ERVV-2: variants seen among roughly 807,000 people sequenced by gnomAD.
ERVV-2 encodes the protein endogenous retrovirus group V member 2 Env polyprotein.
For missense variants in ERVV-2, 291 were observed against 495.1 expected (o/e 0.59, Z 3.91); for synonymous variants, 105 against 184.6 (o/e 0.57, Z 3.49).
At chr19:53,047,415 A>G (rs186699923) in intron 1 of ERVV-2, among the ~76,000 whole-genome samples, 84 of 152,322 alleles carry the variant, frequency 5.5e-4, no homozygotes, top group African/African-American at 2.0e-3. Context: ...GGCTTCCTGC[A>G]GAACCAAGGT....
rs996575578 is a variant in ERVV-2 at position 53,051,526 on chromosome 19, A to C, written c.*667A>C. ...AAACATCTGCCCAGCCATTAGTAGG[A>C]GTAGACACGTCCTTTTGATCAGCCC... On this transcript the variant is annotated 3_prime_UTR_variant, in exon 2 of 2. Transcript: ENST00000601417. Among the ~76,000 whole-genome samples the C allele has an allele frequency of 6.6e-6, 1 of 152,178 alleles. No homozygotes were observed. The highest frequency in any genetic ancestry group is 6.5e-5 in the Admixed American group (1 of 15,276).
intron 1 of ERVV-2, among the ~76,000 whole-genome samples, chr19:53,046,313 C>T (rs527558023): frequency 8.5e-5 from 13 of 152,164 alleles, no homozygotes; most frequent in African/African-American, 2.4e-4. Context: ...GGTCCTTCTC[C>T]GCCTGCCTAC....
Position 53,050,616 on chromosome 19 carries a change from C to A in ERVV-2, c.1365C>A (p.Asn455Lys), listed in dbSNP as rs753373875. 41 of 1,217,046 alleles carry A rather than the reference C, an allele frequency of 3.4e-5. No homozygotes were observed. Among genetic ancestry groups the A allele is most frequent in the South Asian group, 3.1e-4 (24 of 77,790 alleles). The allele number at this position is 1,217,046 out of a possible 1,614,324, so 75.4% of individuals were successfully genotyped here. ...EAVKSALPSL[N>K]WFVPLLGPAT... ...TGAAGTCTGCCCTCCCCTCCCTCAA[C>A]TGGTTTGTCCCTTTACTGGGACCAG... The change falls in exon 2 of 2, where the codon AAC becomes AAA. Residue 455 changes from asparagine (N) to lysine (K), a missense_variant. Coordinates refer to ENST00000601417, the MANE Select transcript of ERVV-2 (RefSeq NM_001191055.2).
chr19:53,045,447 C>T (rs1306848128), intron 1 of ERVV-2, among the ~76,000 whole-genome samples: 3 of 152,026 alleles, frequency 2.0e-5, no homozygotes, highest in African/African-American at 7.2e-5. Flanking sequence ...GGACTACAGG[C>T]GTGTGCCACC....
rs1226054259 is a variant in ERVV-2 at position 53,050,520 on chromosome 19, C to G, written c.1269C>G (p.Ile423Met). ...SGAIEEDIKK[I>M]YDEATWLHDF... ...CGATAGAGGAGGATATAAAAAAGAT[C>G]TATGATGAGGCTACGTGGCTCCATG... Residue 423 changes from isoleucine (I) to methionine (M), a missense_variant, in exon 2 of 2, where the codon ATC becomes ATG. Ile to Met is a conservative substitution (Grantham distance 10, BLOSUM62 1). Coordinates refer to ENST00000601417, the MANE Select transcript of ERVV-2 (RefSeq NM_001191055.2). 8.2e-6 allele frequency: 6 copies of G among 732,152 alleles called. No homozygotes were observed. The highest frequency in any genetic ancestry group is 4.0e-5 in the Admixed American group (2 of 50,004). 45.4% of individuals were successfully genotyped at this position (732,152 alleles called of 1,614,324 possible). A position where few individuals can be genotyped will look rare whatever the true frequency, so the allele number is the denominator to read the frequency against.
In ERVV-2 at chr19:53,050,688, T is replaced by C. The variant is rs1459581342; in HGVS notation, c.1437T>C (p.Asn479=). 1.3e-6 allele frequency: 2 copies of C among 1,528,156 alleles called. No homozygotes were observed. The highest frequency in any genetic ancestry group is 1.8e-6 in the Non-Finnish European group (2 of 1,139,838). The allele number at this position is 1,528,156 out of a possible 1,614,324, so 94.7% of individuals were successfully genotyped here. A position where few individuals can be genotyped will look rare whatever the true frequency, so the allele number is the denominator to read the frequency against. ...TCCTCTTTGGCCCTTGTTTCTTTAA[T>C]TTACTGATTAAGTGTGTCTCTTCTA... The part of the protein sequence containing the change: ...LLFLFGPCFF[N]LLIKCVSSRI... The change falls in exon 2 of 2, where the codon AAT becomes AAC. Residue 479 remains asparagine, a synonymous_variant. Transcript: ENST00000601417.
rs2145388516 is a variant in ERVV-2 at position 53,050,515 on chromosome 19, A to C, written c.1264A>C (p.Lys422Gln). ...TGGGGCGATAGAGGAGGATATAAAA[A>C]AGATCTATGATGAGGCTACGTGGCT... ...NSGAIEEDIK[K>Q]IYDEATWLHD... The change falls in exon 2 of 2, where the codon AAG becomes CAG. Residue 422 changes from lysine (K) to glutamine (Q), a missense_variant. Coordinates refer to ENST00000601417, the MANE Select transcript of ERVV-2 (RefSeq NM_001191055.2). The C allele has an allele frequency of 1.4e-6, 1 of 730,426 alleles. No individual in the cohort carries two copies. Among genetic ancestry groups the C allele is most frequent in the African/African-American group, 1.7e-5 (1 of 57,878 alleles). The allele number at this position is 730,426 out of a possible 1,614,324, so 45.2% of individuals were successfully genotyped here.
At position 53,050,792 on chromosome 19, in the gene ERVV-2, AG is replaced by A. The variant is rs1282698163; in HGVS notation, c.1542del (p.Lys514AsnfsTer42). 2.0e-6 allele frequency: 3 copies of A among 1,535,988 alleles called. No individual in the cohort carries two copies. Among genetic ancestry groups the A allele is most frequent in the Non-Finnish European group, 2.6e-6 (3 of 1,146,926 alleles). ...GTCATTGGAGGCCCCAGCACCTATA[AG>A]CACATCTCCCCCTTGGATGCCAGTG... ...LSVIGGPSTYKHISPLDASGQ... is the reference protein window; with the variant it reads ...LSVIGGPSTYXHISPLDASGQ... On this transcript the variant is annotated frameshift_variant, in exon 2 of 2. Transcript: ENST00000601417. LOFTEE classifies it high-confidence loss of function.
At position 53,051,374 on chromosome 19, in the gene ERVV-2, G is replaced by A. The variant is rs566778296; in HGVS notation, c.*515G>A. 2.6e-5 allele frequency among the ~76,000 whole-genome samples: 4 copies of A among 151,996 alleles called. No individual in the cohort carries two copies. The highest frequency in any genetic ancestry group is 9.7e-5 in the African/African-American group (4 of 41,448). On this transcript the variant is annotated 3_prime_UTR_variant, in exon 2 of 2. Coordinates refer to ENST00000601417, the MANE Select transcript of ERVV-2 (RefSeq NM_001191055.2). ...TTGGTCAGGCTAGTCTCAAACTCCT[G>A]ACTTCAGGTGATTCGCTCGCCTCGG...
chr19:53,045,114 C>A (rs1275550775), intron 1 of ERVV-2, among the ~76,000 whole-genome samples, 156 bp downstream of exon 1: 1 of 152,200 alleles, frequency 6.6e-6, no homozygotes, highest in African/African-American at 2.4e-5. Context: ...AGTACCATTT[C>A]CCTTCAGCCA....
chr19:53,046,829 G>C (rs1784956964), intron 1 of ERVV-2, among the ~76,000 whole-genome samples: 2 of 152,164 alleles, frequency 1.3e-5, no homozygotes, highest in South Asian at 4.1e-4. Flanking sequence ...AGGCGGGCGT[G>C]TCACCCGAGG....
At chr19:53,045,600 G>A (rs1304600731) in intron 1 of ERVV-2, among the ~76,000 whole-genome samples, 2 of 151,872 alleles carry the variant, frequency 1.3e-5, no homozygotes, top group Non-Finnish European at 2.9e-5. Flanking sequence ...TGCGACCGGC[G>A]CATATCTTTT....
Position 53,051,135 on chromosome 19 carries a change from GCTTTT to G in ERVV-2, c.*277_*281del. Reference sequence around the variant, plus strand: ...ATAACCCATCCTAGAACAGCCTTTTGCTTTTTTTTTTTTTTTTTTTTTTTTTTTTG... The same window carrying G: ...ATAACCCATCCTAGAACAGCCTTTTGTTTTTTTTTTTTTTTTTTTTTTTTG... On this transcript the variant is annotated 3_prime_UTR_variant, in exon 2 of 2. Coordinates refer to ENST00000601417, the MANE Select transcript of ERVV-2 (RefSeq NM_001191055.2). The G allele has an allele frequency of 8.2e-6, 1 of 122,004 alleles. No individual in the cohort carries two copies. Among genetic ancestry groups the G allele is most frequent in the Non-Finnish European group, 1.4e-5 (1 of 71,768 alleles). The allele number at this position is 122,004 out of a possible 1,614,324, so 7.6% of individuals were successfully genotyped here. A position where few individuals can be genotyped will look rare whatever the true frequency, so the allele number is the denominator to read the frequency against.
At position 53,044,782 on chromosome 19, in the gene ERVV-2, G is replaced by C. The variant is rs1200783744; in HGVS notation, c.-562G>C. 1.3e-5 allele frequency: 2 copies of C among 152,060 alleles called. No homozygotes were observed. The highest frequency in any genetic ancestry group is 2.9e-5 in the Non-Finnish European group (2 of 68,046). The allele number at this position is 152,060 out of a possible 1,614,324, so 9.4% of individuals were successfully genotyped here. ...GAGCCCACTCGGTTCTGTCGTTCAGGGTGTCGCTTCTTTCTGAGCTCCTGT... is the reference window on the plus strand; with the variant it reads ...GAGCCCACTCGGTTCTGTCGTTCAGCGTGTCGCTTCTTTCTGAGCTCCTGT... On this transcript the variant is annotated 5_prime_UTR_variant, in exon 1 of 2. Transcript: ENST00000601417.
Position 53,051,290 on chromosome 19 carries a change from G to A in ERVV-2, c.*431G>A, listed in dbSNP as rs1019791460. ...GCCTCCTCAGTAGCTGGGACTACAG[G>A]CATGTGCCGCCATGCCCGGCTAATT... On this transcript the variant is annotated 3_prime_UTR_variant, in exon 2 of 2. Transcript: ENST00000601417. Among the ~76,000 whole-genome samples the A allele has an allele frequency of 5.3e-5, 8 of 151,876 alleles. No homozygotes were observed. The highest frequency in any genetic ancestry group is 2.0e-4 in the Admixed American group (3 of 15,218).
At position 53,049,038 on chromosome 19, in the gene ERVV-2, T is replaced by C. The variant is rs1200579078; in HGVS notation, c.-214T>C. 9 of 680,698 alleles carry C rather than the reference T, an allele frequency of 1.3e-5. No individual in the cohort carries two copies. The highest frequency in any genetic ancestry group is 2.0e-5 in the South Asian group (1 of 50,592). 42.2% of individuals were successfully genotyped at this position (680,698 alleles called of 1,614,324 possible). A position where few individuals can be genotyped will look rare whatever the true frequency, so the allele number is the denominator to read the frequency against. ...GAAAAGATAAGTAAAGCCTTCTCTC[T>C]GTTCACCCAAAACTAAAGTCAATCT... On this transcript the variant is annotated 5_prime_UTR_variant, in exon 2 of 2. Coordinates refer to ENST00000601417, the MANE Select transcript of ERVV-2 (RefSeq NM_001191055.2).
At position 53,050,089 on chromosome 19, in the gene ERVV-2, G is replaced by A. The variant is rs1219697580; in HGVS notation, c.838G>A (p.Val280Met). The A allele has an allele frequency of 6.8e-7, 1 of 1,472,686 alleles. No individual in the cohort carries two copies. The highest frequency in any genetic ancestry group is 2.1e-5 in the Admixed American group (1 of 47,838). 91.2% of individuals were successfully genotyped at this position (1,472,686 alleles called of 1,614,324 possible). The change falls in exon 2 of 2, where the codon GTG (valine) becomes ATG (methionine). Residue 280 changes from valine (V) to methionine (M), a missense_variant. By Grantham distance (21) the Val-to-Met change is conservative. Transcript: ENST00000601417. ...SPKITYSTPP[V>M]ANLYTCINNI... is the part of the protein sequence containing the mutation. ...TAAGATAACCTATTCAACCCCCCCT[G>A]TGGCAAACCTCTACACTTGCATTAA... is the stretch of plus-strand genomic sequence containing the variant.
At chr19:53,046,291 C>T (rs1018744923) in intron 1 of ERVV-2, among the ~76,000 whole-genome samples, 1 of 151,982 alleles carries the variant, frequency 6.6e-6, no homozygotes, top group African/African-American at 2.4e-5. Flanking sequence ...AGAAATCCCT[C>T]ACTTATTATT....
chr19:53,047,907 T>G (rs1468555448), intron 1 of ERVV-2, among the ~76,000 whole-genome samples: 2 of 152,178 alleles, frequency 1.3e-5, no homozygotes, highest in African/African-American at 4.8e-5. Context: ...AGCTTAAATG[T>G]TAATACCATA....
Sources: gnomAD v4.1 joint callset for allele counts (sites outside exome capture counted in the v4.1 genomes callset) on GRCh38, gnomAD v4.1.1 for gene constraint, MANE v1.5 for transcripts, NCBI Gene and HGNC (gene_info 2026-07-23, HGNC 2026-07-21) for gene names.